Variants in GGCX observed in about 807,000 individuals in gnomAD.
GGCX encodes the protein vitamin K-dependent gamma-carboxylase.
A neutral mutation model predicts 88.5 loss-of-function variants in GGCX; 63 were observed. The ratio of observed to expected loss-of-function variants is 0.71; its 90% CI spans 0.58 to 0.88. The LOEUF (loss-of-function observed/expected upper bound fraction) is 0.88. Ranked by LOEUF, GGCX falls within the 40% of genes least tolerant of loss-of-function variation. The pLI is 0.00. For synonymous variants in GGCX, 368 were observed against 365.8 expected, an observed-to-expected ratio of 1.01 and a Z score of -0.07; for missense variants, 805 against 932.9, an observed-to-expected ratio of 0.86 and a Z score of 1.79.
rs1291817298 is a variant in GGCX, at chr2:85,552,417, T to C, written c.1438A>G (p.Arg480Gly). The C allele has an allele frequency of 6.2e-7, 1 of 1,613,880 alleles. No homozygotes were observed. Among genetic ancestry groups the C allele is most frequent in the Admixed American group, 1.7e-5 (1 of 60,026 alleles). ...WVSINDRFQQ[R>G]IFDPRVDIVQ... Reference sequence around the variant, plus strand: ...CCACTCTCTGCTCCCCTTGCCCACCTCTGCTGGAAGCGGTCATTGATGGAG... The same window carrying C: ...CCACTCTCTGCTCCCCTTGCCCACCCCTGCTGGAAGCGGTCATTGATGGAG... The change falls in exon 10 of 15, where the codon AGG (arginine) becomes GGG (glycine). Residue 480 changes from arginine (R) to glycine (G), a missense_variant and splice_region_variant. By Grantham distance (125) the Arg-to-Gly change is moderately radical. This residue lies in a region of GGCX where 680 missense variants were observed against 763.7 expected (regional missense o/e 0.89). Transcript: ENST00000233838.
At chr2:85,551,093 GATAAATTTCA>G in intron 12 of GGCX, 21 bp from the exon 13 acceptor site, 1 of 1,611,238 alleles carries the variant, frequency 6.2e-7, no homozygotes, top group Non-Finnish European at 8.5e-7. Context: ...AGAAGAAATG[GATAAATTTCA>G]TCAGCTTTTC....
At chr2:85,558,879 C>T (rs1418613644) in intron 3 of GGCX, 38 bp downstream of exon 3, 2 of 1,587,610 alleles carry the variant, frequency 1.3e-6, no homozygotes, top group African/African-American at 2.7e-5. Context: ...TTCTGTGTTT[C>T]TGGCAGGCCA....
At chr2:85,551,695 A>G (rs1573320501) in intron 11 of GGCX, 85 bp from the exon 12 acceptor site, 1 of 1,573,384 alleles carries the variant, frequency 6.4e-7, no homozygotes, top group Non-Finnish European at 8.7e-7. Context: ...CACCTTTACC[A>G]CCATCATCCC....
Sources: gnomAD v4.1 joint callset for allele counts on GRCh38, gnomAD v4.1.1 for gene constraint, gnomAD v4.1.1 regional missense constraint, MANE v1.5 for transcripts, NCBI Gene and HGNC (gene_info 2026-07-23, HGNC 2026-07-21) for gene names.